The following TECTA variants were observed in gnomAD, a reference collection of about 807,000 sequenced individuals.
TECTA encodes the protein alpha-tectorin.
Under a neutral mutation model 216.8 loss-of-function variants are expected in TECTA, and 128 were observed. The ratio of observed to expected loss-of-function variants is 0.59; its 90% CI spans 0.51 to 0.68. The LOEUF is 0.68. Ranked by LOEUF, TECTA falls within the 30% of genes least tolerant of loss-of-function variation. TECTA has a pLI of 0.00. For missense variants in TECTA, 2,551 were observed against 2,786.2 expected, an observed-to-expected ratio of 0.92 and a Z score of 1.90; for synonymous variants, 1,089 against 1,117.1, an observed-to-expected ratio of 0.97 and a Z score of 0.50.
At chr11:121,111,286 C>G (rs1946439407) in intron 4 of TECTA, among the ~76,000 whole-genome samples, 1 of 152,172 alleles carries the variant, frequency 6.6e-6, no homozygotes, top group Non-Finnish European at 1.5e-5. Flanking sequence ...GTATCTCGTT[C>G]AAGTGGCAAG....
intron 23 of TECTA, 55 bp downstream of exon 23, chr11:121,189,935 C>T (rs1947325798): frequency 2.1e-6 from 3 of 1,442,340 alleles, no homozygotes; most frequent in Non-Finnish European, 2.9e-6. Flanking sequence ...AGGTTCTTTA[C>T]CACCAGAAGG....
At position 121,127,288 on chromosome 11, in the gene TECTA, C is replaced by CA. The variant is rs1362406571; in HGVS notation, c.1775-461dup. Among the ~76,000 whole-genome samples, 2 of 152,164 alleles carry CA rather than the reference C, an allele frequency of 1.3e-5. No homozygotes were observed. The highest frequency in any genetic ancestry group is 2.9e-5 in the Non-Finnish European group (2 of 68,024). ...AGGTATTTTAAGTGCCTCCCTGTTA[C>CA]AAATTTCACGTTTTCAAATTACTCC... On this transcript the variant is annotated intron_variant, in intron 8 of 23. Coordinates refer to ENST00000392793, the MANE Select transcript of TECTA (RefSeq NM_005422.4). This position sits in a 1 kb window ranked among gnomAD's most constrained non-coding sequence, Gnocchi z 5.0.
At chr11:121,130,807 A>G (rs943567823) in intron 10 of TECTA, among the ~76,000 whole-genome samples, 1 of 152,178 alleles carries the variant, frequency 6.6e-6, no homozygotes, top group African/African-American at 2.4e-5. Flanking sequence ...GAGAAGTAAC[A>G]TGGCAGAAAG....
intron 6 of TECTA, among the ~76,000 whole-genome samples, chr11:121,116,483 C>T (rs755967218): frequency 1.7e-4 from 26 of 152,204 alleles, no homozygotes; most frequent in Non-Finnish European, 2.2e-4. Context: ...TGCAGAGCTG[C>T]GGAGTTGGTC....
chr11:121,108,913 C>G (rs1255172308), intron 3 of TECTA, among the ~76,000 whole-genome samples: 5 of 152,100 alleles, frequency 3.3e-5, no homozygotes, highest in Non-Finnish European at 7.4e-5. Context: ...CACAGAAGCA[C>G]AACTCAGGAG....
At chr11:121,164,048 G>A (rs940398901) in intron 16 of TECTA, among the ~76,000 whole-genome samples, 12 of 152,290 alleles carry the variant, frequency 7.9e-5, no homozygotes, top group East Asian at 3.9e-4. Context: ...GCACTCCCAC[G>A]TAATGTAATT....
At chr11:121,116,086 G>A (rs1369347117) in intron 6 of TECTA, among the ~76,000 whole-genome samples, 3 of 152,144 alleles carry the variant, frequency 2.0e-5, no homozygotes, top group African/African-American at 4.8e-5. Flanking sequence ...GGCCTGCCTG[G>A]ACCCTTGCCT....
chr11:121,113,611 C>T lies in TECTA; in HGVS notation c.683C>T (p.Pro228Leu). The T allele has an allele frequency of 6.2e-7, 1 of 1,613,966 alleles. No homozygotes were observed. The highest frequency in any genetic ancestry group is 8.5e-7 in the Non-Finnish European group (1 of 1,180,024). Residue 228 changes from proline to leucine, a missense_variant, in exon 6 of 24, where the codon CCC becomes CTC. By Grantham distance (98) the Pro-to-Leu change is moderately conservative (BLOSUM62 -3). Around this residue, in one of 3 missense-constraint regions of TECTA, gnomAD observed 2,375 missense variants for 2,563.9 expected, o/e 0.93. Transcript: ENST00000392793. The surrounding 1 kb of genome is among the most constrained non-coding windows in gnomAD (Gnocchi z 4.2). The part of the protein sequence containing the change: ...NFFSLPGSRT[P>L]EIVNIQETTN... ...TTCAGCCTCCCGGGGTCAAGAACCCCCGAGATCGTGAATATCCAGGAGACC... is the reference window on the plus strand; with the variant it reads ...TTCAGCCTCCCGGGGTCAAGAACCCTCGAGATCGTGAATATCCAGGAGACC...
Position 121,130,006 on chromosome 11 carries a change from C to T in TECTA, c.2736C>T (p.Cys912=), listed in dbSNP as rs368050948. Residue 912 remains cysteine, a synonymous_variant, in exon 10 of 24, where the codon TGC becomes TGT. Transcript: ENST00000392793. Reference sequence around the variant, plus strand: ...AGTTTTATCGAAGCCGCTCCAGGTGCGGCATCATCAACGACCCCTCCAACA... The same window carrying T: ...AGTTTTATCGAAGCCGCTCCAGGTGTGGCATCATCAACGACCCCTCCAACA... ...LLKFYRSRSR[C]GIINDPSNSS... is the part of the protein sequence containing the mutation. 58 of 1,607,568 alleles carry T rather than the reference C, an allele frequency of 3.6e-5. No individual in the cohort carries two copies. The African/African-American group carries it at 4.1e-4, about 12-fold the overall frequency.
rs1273677775 is a variant in TECTA, at chr11:121,189,169, T to G, written c.6250+2T>G. 3 of 1,613,528 alleles carry G rather than the reference T, an allele frequency of 1.9e-6. No homozygotes were observed. In the East Asian group the frequency reaches 6.7e-5, roughly 36 times the overall value. ...CAGTGGGACCTATTAGGAGAAAAAG[T>G]ATGTATGTTCCCTAAAACACACCCT... On this transcript the variant is annotated splice_donor_variant, in intron 22 of 23. Transcript: ENST00000392793. LOFTEE classifies it high-confidence loss of function.
intron 20 of TECTA, among the ~76,000 whole-genome samples, chr11:121,172,637 C>T (rs1182286417): frequency 6.6e-5 from 10 of 150,900 alleles, no homozygotes; most frequent in Non-Finnish European, 1.3e-4. Flanking sequence ...TGAATAGTGC[C>T]GCAATAAACA....
At chr11:121,152,527 G>T (rs918752240) in intron 12 of TECTA, among the ~76,000 whole-genome samples, 7 of 152,216 alleles carry the variant, frequency 4.6e-5, no homozygotes, top group Admixed American at 1.3e-4. Flanking sequence ...CAGGAGGAGT[G>T]TGGGTGCCCT....
At chr11:121,148,654 G>T (rs1294980665) in intron 12 of TECTA, among the ~76,000 whole-genome samples, 1 of 152,162 alleles carries the variant, frequency 6.6e-6, no homozygotes, top group African/African-American at 2.4e-5. Flanking sequence ...TCTAGCAATT[G>T]CTTGATAGGA....
rs371415947 is a variant in TECTA, at chr11:121,145,956, C to T, written c.3945C>T (p.His1315=). The T allele has an allele frequency of 3.5e-5, 56 of 1,614,162 alleles. No homozygotes were observed. Among genetic ancestry groups the T allele is most frequent in the Non-Finnish European group, 4.4e-5 (52 of 1,180,060 alleles). Residue 1315 remains histidine (H), a synonymous_variant, in exon 12 of 24, where the codon CAC becomes CAT. Coordinates refer to ENST00000392793, the MANE Select transcript of TECTA (RefSeq NM_005422.4). ...AGAACGCTGCCTTCTCCAAGTGTCA[C>T]AGCAAAGTTAACCCCACCTTCTTCT... The part of the protein sequence containing the change: ...PNQNAAFSKC[H]SKVNPTFFYK...
At position 121,128,194 on chromosome 11, in the gene TECTA, C is replaced by T. The variant is rs747731160; in HGVS notation, c.2217C>T (p.Leu739=). ...TCCCCTCCGAGTTCTCCTACACCCT[C>T]CTGAAGACCTGCCCTGAGCGCCCAG... ...YAFPSEFSYT[L]LKTCPERPEY... The change falls in exon 9 of 24, where the codon CTC becomes CTT. Residue 739 remains leucine (L), a synonymous_variant. Coordinates refer to ENST00000392793, the MANE Select transcript of TECTA (RefSeq NM_005422.4). The T allele has an allele frequency of 3.7e-6, 6 of 1,606,752 alleles. No homozygotes were observed. In the Admixed American group the frequency reaches 5.0e-5, roughly 13 times the overall value.
At chr11:121,109,081 T>G in intron 3 of TECTA, 130 bp from the exon 4 acceptor site, 1 of 976,736 alleles carries the variant, frequency 1.0e-6, no homozygotes, top group Non-Finnish European at 1.5e-6. Context: ...ACCCGGTGTT[T>G]GGGGGTTCTA....
At chr11:121,129,044 G>A (rs965094923) in intron 9 of TECTA, among the ~76,000 whole-genome samples, 3 of 152,218 alleles carry the variant, frequency 2.0e-5, no homozygotes, top group African/African-American at 7.2e-5. Context: ...GTCACCTGAA[G>A]TCTAGTTTGG....
In TECTA at chr11:121,113,009, CTCCTT is replaced by C; in HGVS notation, c.487-62_487-58del. 6.2e-7 allele frequency: 1 copy of C among 1,608,922 alleles called. No homozygotes were observed. Among genetic ancestry groups the C allele is most frequent in the Non-Finnish European group, 8.5e-7 (1 of 1,177,262 alleles). On this transcript the variant is annotated intron_variant, in intron 4 of 23. Coordinates refer to ENST00000392793, the MANE Select transcript of TECTA (RefSeq NM_005422.4). The surrounding 1 kb of genome is among the most constrained non-coding windows in gnomAD (Gnocchi z 4.2). The stretch of plus-strand genomic sequence containing the variant: ...GGAGGGCGCAGGGTGAAGGGAGGAC[CTCCTT>C]GGGGCCAGGACCTCCTGGGGAGTGC...
chr11:121,136,181 G>A (rs1032759292), intron 10 of TECTA, among the ~76,000 whole-genome samples: 1 of 151,972 alleles, frequency 6.6e-6, no homozygotes, highest in Non-Finnish European at 1.5e-5. Context: ...AGGCTGTCTT[G>A]AACTCCTGAC....
Sources: gnomAD v4.1 joint callset for allele counts (sites outside exome capture counted in the v4.1 genomes callset) on GRCh38, gnomAD v4.1.1 for gene constraint, gnomAD v4.1.1 regional missense constraint, Gnocchi (gnomAD v3.1) non-coding constraint, MANE v1.5 for transcripts, NCBI Gene and HGNC (gene_info 2026-07-23, HGNC 2026-07-21) for gene names.